Variants in ERICH1 observed in about 807,000 individuals in gnomAD.
ERICH1 encodes glutamate rich 1.
A neutral mutation model predicts 39.6 loss-of-function variants in ERICH1; 56 were observed. The ratio of observed to expected loss-of-function variants is 1.41; its 90% CI spans 1.14 to 1.77. ERICH1 has a LOEUF of 1.77. ERICH1 is among the 40% of genes most tolerant of loss of function. The pLI is 0.00. For missense variants in ERICH1, 826 were observed against 575.4 expected (o/e 1.44, Z -4.45); for synonymous variants, 313 against 223.6 (o/e 1.40, Z -3.57).
intron 3 of ERICH1, among the ~76,000 whole-genome samples, chr8:657,724 T>A (rs1800839359): frequency 6.6e-6 from 1 of 151,466 alleles, no homozygotes; most frequent in Admixed American, 6.6e-5. Context: ...AGGGTGGAGA[T>A]TAGAATGATA....
chr8:616,577 C>G (rs1415699802), intron 3 of ERICH1: 1 of 455,386 alleles, frequency 2.2e-6, no homozygotes, highest in Non-Finnish European at 4.4e-6. Flanking sequence ...CAGATCAAGT[C>G]AGGGCTGGAG....
At chr8:618,176 C>A (rs1247971803) in intron 3 of ERICH1, among the ~76,000 whole-genome samples, 30 of 149,442 alleles carry the variant, frequency 2.0e-4, no homozygotes, top group African/African-American at 6.7e-4. Context: ...CTGAGTACTC[C>A]ATCTGTTCTC....
intron 1 of ERICH1, among the ~76,000 whole-genome samples, chr8:730,683 A>G (rs189121436): frequency 2.0e-4 from 30 of 152,336 alleles, no homozygotes; most frequent in African/African-American, 6.5e-4. Flanking sequence ...GGTAAACACC[A>G]TGACCTCCGT....
chr8:618,790 G>A (rs1033855443), intron 3 of ERICH1, among the ~76,000 whole-genome samples: 1 of 152,098 alleles, frequency 6.6e-6, no homozygotes, highest in Admixed American at 6.5e-5. Context: ...GCAAGAGTAC[G>A]CAGACTGAGA....
intron 3 of ERICH1, among the ~76,000 whole-genome samples, chr8:685,276 G>A (rs1049187804): frequency 3.3e-5 from 5 of 152,174 alleles, no homozygotes; most frequent in African/African-American, 7.2e-5. Flanking sequence ...AGAGAAATAC[G>A]GCTGTGTCCT....
At chr8:656,340 C>T (rs1425131719) in intron 3 of ERICH1, among the ~76,000 whole-genome samples, 1 of 152,196 alleles carries the variant, frequency 6.6e-6, no homozygotes, top group Non-Finnish European at 1.5e-5. Flanking sequence ...CGGGACTCTC[C>T]CCTTCCCCAA....
chr8:719,462 G>C (rs1233694820), intron 1 of ERICH1, among the ~76,000 whole-genome samples: 3 of 152,248 alleles, frequency 2.0e-5, no homozygotes, highest in African/African-American at 4.8e-5. Context: ...TGGCTGAGAT[G>C]CTTCTCTCAG....
intron 3 of ERICH1, among the ~76,000 whole-genome samples, chr8:619,146 C>G (rs1797118859): frequency 6.6e-6 from 1 of 152,056 alleles, no homozygotes; most frequent in South Asian, 2.1e-4. Flanking sequence ...CCTACTCCCC[C>G]AGTGCCCAGT....
chr8:720,615 A>G (rs1206470501), intron 1 of ERICH1, among the ~76,000 whole-genome samples: 1 of 152,250 alleles, frequency 6.6e-6, no homozygotes. Flanking sequence ...GTCAACACAT[A>G]AAGGTCTGTA....
chr8:717,014 G>C (rs1486187521), intron 1 of ERICH1, among the ~76,000 whole-genome samples: 1 of 152,222 alleles, frequency 6.6e-6, no homozygotes, highest in Non-Finnish European at 1.5e-5. Context: ...GCTCACCAGA[G>C]CTCCCCGTGC....
intron 3 of ERICH1, among the ~76,000 whole-genome samples, chr8:685,454 T>C (rs948385440): frequency 6.6e-6 from 1 of 152,190 alleles, no homozygotes; most frequent in Admixed American, 6.5e-5. Flanking sequence ...TGAGGCAACA[T>C]ACATTCTCAG....
chr8:674,045 G>A lies in ERICH1; in HGVS notation c.307C>T (p.Gln103Ter). The A allele has an allele frequency of 6.5e-7, 1 of 1,537,362 alleles. No individual in the cohort carries two copies. Among genetic ancestry groups the A allele is most frequent in the Non-Finnish European group, 8.6e-7 (1 of 1,156,294 alleles). The change falls in exon 4 of 6, where the codon CAG becomes TAG. Residue 103 changes from glutamine (Q) to a stop codon, truncating the protein, a stop_gained and splice_region_variant. Coordinates refer to ENST00000262109, the MANE Select transcript of ERICH1 (RefSeq NM_207332.3). LOFTEE classifies it high-confidence loss of function. ...NASSGDDTED[Q>*]DPHDQPKRRR... ...CTCTTTGGCTGGTCATGAGGATCCT[G>A]ATCTGTTAAAAAAATTCAAATATAA... is the stretch of plus-strand genomic sequence containing the variant.
intron 1 of ERICH1, among the ~76,000 whole-genome samples, chr8:716,221 C>G (rs1434550774): frequency 1.3e-5 from 2 of 152,240 alleles, no homozygotes; most frequent in African/African-American, 4.8e-5. Flanking sequence ...GAGGACCCCC[C>G]ACCATCCTGC....
At chr8:663,062 G>C (rs1021876436), downstream of ERICH1, among the ~76,000 whole-genome samples, 1 of 152,224 alleles carries the variant, frequency 6.6e-6, no homozygotes, top group Non-Finnish European at 1.5e-5. Flanking sequence ...TGTGCTCCAG[G>C]GCCTACAACC....
rs1563295682 is a variant in ERICH1, at chr8:699,820, A to ACAGACCCGCACAC, written c.170-7209_170-7208insGTGTGCGGGTCTG. On this transcript the variant is annotated intron_variant, in intron 2 of 5. Transcript: ENST00000262109. ...CCGCACACGCGCACAGATCCGCACA[A>ACAGACCCGCACAC]GCGCACAGACCCGCACAGGCGCACA... Among the ~76,000 whole-genome samples, 8 of 59,006 alleles carry ACAGACCCGCACAC rather than the reference A, an allele frequency of 1.4e-4. No individual in the cohort carries two copies. The South Asian group carries it at 2.5e-3, about 18-fold the overall frequency. 38.7% of individuals were successfully genotyped at this position (59,006 alleles called of 152,430 possible).
chr8:705,840 CTGGCCGCATGGGGGACGG>C (rs1813148050), intron 2 of ERICH1, among the ~76,000 whole-genome samples: 1 of 152,234 alleles, frequency 6.6e-6, no homozygotes, highest in Admixed American at 6.5e-5. Context: ...TGGTGAAAGG[CTGGCCGCATGGGGGACGG>C]TGGAGCCTTA....
At position 673,312 on chromosome 8, in the gene ERICH1, G is replaced by A. The variant is rs376023251; in HGVS notation, c.1040C>T (p.Thr347Ile). The A allele has an allele frequency of 1.4e-5, 22 of 1,608,098 alleles. No individual in the cohort carries two copies. In the African/African-American group the frequency reaches 2.1e-4, roughly 16 times the overall value. ...ACCGTCATAAAAATACATTTCCTGT[G>A]TTGACTTCAAAAAATTTAGAATACT... The part of the protein sequence containing the change: ...AHSILNFLKS[T>I]QEMYFYDGVS... The change falls in exon 4 of 6, where the codon ACA becomes ATA. Residue 347 changes from threonine (T) to isoleucine (I), a missense_variant. By Grantham distance (89) the Thr-to-Ile change is moderately conservative. Coordinates refer to ENST00000262109, the MANE Select transcript of ERICH1 (RefSeq NM_207332.3).
intron 2 of ERICH1, among the ~76,000 whole-genome samples, chr8:710,519 C>T (rs1045682918): frequency 1.3e-5 from 2 of 151,458 alleles, no homozygotes; most frequent in Admixed American, 6.6e-5. Context: ...CACCGTCCTG[C>T]AAGGCCCCTG....
chr8:635,269 C>G (rs373746148), intron 3 of ERICH1, among the ~76,000 whole-genome samples: 4 of 152,178 alleles, frequency 2.6e-5, no homozygotes, highest in African/African-American at 9.7e-5. Flanking sequence ...TGAGTTGCGT[C>G]AGGTCCATAG....
Sources: allele counts gnomAD v4.1 joint callset (sites outside exome capture counted in the v4.1 genomes callset), GRCh38; gene constraint gnomAD v4.1.1; transcripts MANE v1.5; gene names NCBI Gene and HGNC (gene_info 2026-07-23, HGNC 2026-07-21).